The following THSD4 variants were observed in gnomAD, a reference collection of about 807,000 sequenced individuals.
THSD4 encodes thrombospondin type-1 domain-containing protein 4.
In THSD4, 69 loss-of-function variants were observed where a neutral mutation model predicts 119.0. The observed-to-expected ratio is 0.58, with a 90% confidence interval of 0.48 to 0.71. The LOEUF (loss-of-function observed/expected upper bound fraction) is 0.71, where lower values mean the gene tolerates loss of function less well. THSD4 is among the 30% of genes least tolerant of loss of function. The pLI, the probability that THSD4 is intolerant of heterozygous loss-of-function variation, is 0.00. For missense variants in THSD4, 1,393 were observed against 1,391.1 expected (o/e 1.00, Z -0.02); for synonymous variants, 524 against 540.4 (o/e 0.97, Z 0.42).
chr15:71,396,697 A>G (rs753736160), intron 6 of THSD4, among the ~76,000 whole-genome samples: 17 of 152,258 alleles, frequency 1.1e-4, no homozygotes, highest in Non-Finnish European at 2.4e-4. Context: ...ACAGTTGGCC[A>G]GACTGGCTTA....
chr15:71,401,136 G>A (rs1287329062), intron 6 of THSD4, among the ~76,000 whole-genome samples: 1 of 151,516 alleles, frequency 6.6e-6, no homozygotes, highest in Non-Finnish European at 1.5e-5. Flanking sequence ...GCAAACCTAT[G>A]CAGTAGCAAA....
rs149764929 is a variant in THSD4, at chr15:71,515,035, G to A, written c.1152+103212G>A. Among the ~76,000 whole-genome samples, 128 of 152,208 alleles carry A rather than the reference G, an allele frequency of 8.4e-4. 1 individual carries two copies. The East Asian group carries it at 0.022, about 26-fold the overall frequency. On this transcript the variant is annotated intron_variant, in intron 7 of 17. Coordinates refer to ENST00000261862, the MANE Select transcript of THSD4 (RefSeq NM_024817.3). The stretch of plus-strand genomic sequence containing the variant: ...CACTTTTTTTCAGTATTTCCTCAAG[G>A]AAAACTCTAGAAGTGGAAATTCTAG...
At chr15:71,290,391 C>T (rs1026628689) in intron 6 of THSD4, among the ~76,000 whole-genome samples, 5 of 151,914 alleles carry the variant, frequency 3.3e-5, no homozygotes, top group African/African-American at 9.7e-5. Context: ...AAATTTTATG[C>T]GAAGTCCCAG....
chr15:71,564,318 T>A (rs528235850), intron 7 of THSD4, among the ~76,000 whole-genome samples: 4 of 152,310 alleles, frequency 2.6e-5, no homozygotes, highest in Middle Eastern at 3.4e-3. Context: ...TTGTACTGTG[T>A]GTGGATCAAG....
At chr15:71,456,230 A>G (rs887364949) in intron 7 of THSD4, among the ~76,000 whole-genome samples, 2 of 152,164 alleles carry the variant, frequency 1.3e-5, no homozygotes, top group Non-Finnish European at 2.9e-5. Context: ...CACCATGTTT[A>G]TTTATATGCT....
At chr15:71,508,345 C>T (rs971183896) in intron 7 of THSD4, among the ~76,000 whole-genome samples, 8 of 152,310 alleles carry the variant, frequency 5.3e-5, no homozygotes, top group East Asian at 1.9e-4. Flanking sequence ...GTTATAGTAA[C>T]GGGCAGGGAA....
intron 6 of THSD4, among the ~76,000 whole-genome samples, chr15:71,303,362 A>G (rs112134713): frequency 0.031 from 4,762 of 152,218 alleles, 127 homozygotes; most frequent in African/African-American, 0.078. Flanking sequence ...TTTTTTACAG[A>G]TCTCTGGCAG....
At chr15:71,505,240 A>C (rs12324537) in intron 7 of THSD4, among the ~76,000 whole-genome samples, 22 of 152,262 alleles carry the variant, frequency 1.4e-4, no homozygotes, top group African/African-American at 4.8e-4. Context: ...CTTCTCTAAG[A>C]TGCCCAGAAC....
At chr15:71,687,816 A>G (rs1438595895) in intron 8 of THSD4, among the ~76,000 whole-genome samples, 1 of 151,892 alleles carries the variant, frequency 6.6e-6, no homozygotes, top group Non-Finnish European at 1.5e-5. Flanking sequence ...CCATTCATCA[A>G]TCAAAAATAT....
chr15:71,137,071 GGA>G (rs1488325630), intron 1 of THSD4, among the ~76,000 whole-genome samples: 1 of 152,142 alleles, frequency 6.6e-6, no homozygotes, highest in Non-Finnish European at 1.5e-5. Flanking sequence ...TTTGTGGAAG[GGA>G]GAGAAGGTGG....
At chr15:71,429,378 G>T (rs2046913865) in intron 7 of THSD4, among the ~76,000 whole-genome samples, 1 of 152,204 alleles carries the variant, frequency 6.6e-6, no homozygotes, top group Admixed American at 6.5e-5. Context: ...GGTGGTAAAT[G>T]ATTCTCTTTG....
Position 71,358,753 on chromosome 15 carries a change from C to T in THSD4, c.1016-52934C>T, listed in dbSNP as rs959427637. 1.1e-4 allele frequency among the ~76,000 whole-genome samples: 16 copies of T among 152,218 alleles called. No individual in the cohort carries two copies. In the East Asian group the frequency reaches 3.1e-3, roughly 29 times the overall value. On this transcript the variant is annotated intron_variant, in intron 6 of 17. Transcript: ENST00000261862. Reference sequence around the variant, plus strand: ...ACATCATCAGCACCGCTGTCATCATCATCTTTCTTTACTATCTGGGTGGCC... The same window carrying T: ...ACATCATCAGCACCGCTGTCATCATTATCTTTCTTTACTATCTGGGTGGCC...
intron 7 of THSD4, among the ~76,000 whole-genome samples, chr15:71,559,244 C>T (rs2049072969): frequency 6.6e-6 from 1 of 152,132 alleles, no homozygotes; most frequent in South Asian, 2.1e-4. Flanking sequence ...GCAATCCTTT[C>T]CTTGATGTTA....
chr15:71,607,951 G>C, intron 7 of THSD4, among the ~76,000 whole-genome samples: 1 of 151,992 alleles, frequency 6.6e-6, no homozygotes, highest in East Asian at 1.9e-4. Context: ...AGCCTGGGCT[G>C]GGTGGCTTAC....
At chr15:71,107,882 A>C (rs182392195) in intron 1 of THSD4, among the ~76,000 whole-genome samples, 62 of 152,358 alleles carry the variant, frequency 4.1e-4, no homozygotes, top group African/African-American at 1.4e-3. Context: ...ACTGAGGCTC[A>C]GCAGGGTTAA....
At chr15:71,588,017 C>A (rs927551632) in intron 7 of THSD4, among the ~76,000 whole-genome samples, 4 of 147,724 alleles carry the variant, frequency 2.7e-5, no homozygotes, top group Non-Finnish European at 6.0e-5. Context: ...TGTCAAGAAT[C>A]TTGTCATGGC....
At chr15:71,564,480 A>G (rs147695986) in intron 7 of THSD4, among the ~76,000 whole-genome samples, 1 of 152,074 alleles carries the variant, frequency 6.6e-6, no homozygotes, top group Non-Finnish European at 1.5e-5. Context: ...AGGGAGGTAA[A>G]CTTCTCAGGC....
At chr15:71,149,738 T>A (rs549711461) in intron 2 of THSD4, among the ~76,000 whole-genome samples, 1 of 152,282 alleles carries the variant, frequency 6.6e-6, no homozygotes, top group South Asian at 2.1e-4. Context: ...TTTTGTTACT[T>A]GATATGCCCA....
At chr15:71,259,957 TG>T (rs2044370805) in intron 6 of THSD4, among the ~76,000 whole-genome samples, 1 of 152,186 alleles carries the variant, frequency 6.6e-6, no homozygotes, top group South Asian at 2.1e-4. Flanking sequence ...TGTGATTACC[TG>T]GGGGGAAAGA....
Sources: allele counts gnomAD v4.1 joint callset (sites outside exome capture counted in the v4.1 genomes callset), GRCh38; gene constraint gnomAD v4.1.1; transcripts MANE v1.5; gene names NCBI Gene and HGNC (gene_info 2026-07-23, HGNC 2026-07-21).